The following NEGR1 variants were observed in gnomAD, a reference collection of about 807,000 sequenced individuals.
The protein encoded by NEGR1 is IgLON family member 4.
NEGR1 carries 10 observed loss-of-function variants against 40.9 expected under a neutral mutation model. That is an observed-to-expected ratio of 0.24 (90% CI 0.15 to 0.42). NEGR1 has a LOEUF of 0.42. Ranked by LOEUF, NEGR1 falls within the 10% of genes least tolerant of loss-of-function variation. The pLI is 1.00. For synonymous variants in NEGR1, 185 were observed against 166.8 expected, an observed-to-expected ratio of 1.11 and a Z score of -0.84; for missense variants, 352 against 438.9, an observed-to-expected ratio of 0.80 and a Z score of 1.77.
At chr1:71,843,662 G>A (rs1659315254) in intron 2 of NEGR1, among the ~76,000 whole-genome samples, 1 of 152,116 alleles carries the variant, frequency 6.6e-6, no homozygotes. Context: ...TAGTTTTAAA[G>A]ATGAAATGAG....
At chr1:71,826,486 C>T (rs1337815467) in intron 2 of NEGR1, among the ~76,000 whole-genome samples, 1 of 151,796 alleles carries the variant, frequency 6.6e-6, no homozygotes, top group South Asian at 2.1e-4. Context: ...CTGCTGCTTC[C>T]CACTTAAGTG....
intron 1 of NEGR1, among the ~76,000 whole-genome samples, chr1:72,255,522 C>T (rs929071583): frequency 6.6e-6 from 1 of 150,604 alleles, no homozygotes; most frequent in Non-Finnish European, 1.5e-5. Flanking sequence ...TTAAGAATGC[C>T]TACTATGGTT....
intron 4 of NEGR1, among the ~76,000 whole-genome samples, chr1:71,686,235 G>C (rs560231555): frequency 1.3e-5 from 2 of 152,134 alleles, no homozygotes; most frequent in African/African-American, 2.4e-5. Flanking sequence ...CTATATTCTT[G>C]ACTGTAGTAG....
chr1:71,416,796 T>G (rs964067168), intron 6 of NEGR1, among the ~76,000 whole-genome samples: 2 of 152,208 alleles, frequency 1.3e-5, no homozygotes, highest in African/African-American at 4.8e-5. Flanking sequence ...AAGCCTTTGC[T>G]GCACTTTTGT....
chr1:71,902,910 TATTA>T (rs1397053902), intron 2 of NEGR1, among the ~76,000 whole-genome samples: 8 of 152,164 alleles, frequency 5.3e-5, no homozygotes, highest in East Asian at 1.9e-4. Flanking sequence ...GAGCTTCATT[TATTA>T]ATTATGTTTT....
intron 3 of NEGR1, among the ~76,000 whole-genome samples, chr1:71,750,205 G>T (rs1324844437): frequency 2.0e-5 from 3 of 152,022 alleles, no homozygotes; most frequent in Admixed American, 6.5e-5. Flanking sequence ...TTGTTAACCA[G>T]GATGGTCTCG....
At chr1:71,567,310 A>G (rs1372584520) in intron 6 of NEGR1, among the ~76,000 whole-genome samples, 1 of 152,162 alleles carries the variant, frequency 6.6e-6, no homozygotes, top group Non-Finnish European at 1.5e-5. Flanking sequence ...GTGTATTTTT[A>G]TATAGATTCT....
At chr1:72,121,121 C>T (rs894953507) in intron 1 of NEGR1, among the ~76,000 whole-genome samples, 3 of 151,834 alleles carry the variant, frequency 2.0e-5, no homozygotes, top group African/African-American at 7.3e-5. Flanking sequence ...AAATACTTTA[C>T]CGCAAATTTT....
chr1:71,450,309 G>A (rs1033256721), intron 6 of NEGR1, among the ~76,000 whole-genome samples: 1 of 151,920 alleles, frequency 6.6e-6, no homozygotes, highest in African/African-American at 2.4e-5. Context: ...TTATTTACAA[G>A]CAAACTATCT....
At chr1:71,644,727 A>G (rs1209453819) in intron 4 of NEGR1, among the ~76,000 whole-genome samples, 1 of 151,968 alleles carries the variant, frequency 6.6e-6, no homozygotes, top group Admixed American at 6.6e-5. Flanking sequence ...ATATTAAATT[A>G]CATAACAGCA....
chr1:71,754,479 A>G (rs1272053474), intron 3 of NEGR1, among the ~76,000 whole-genome samples: 1 of 152,192 alleles, frequency 6.6e-6, no homozygotes, highest in Non-Finnish European at 1.5e-5. Flanking sequence ...GATGAACAAA[A>G]TTAGCTATGT....
chr1:72,274,270 G>C (rs17131762), intron 1 of NEGR1, among the ~76,000 whole-genome samples: 1,916 of 152,070 alleles, frequency 0.013, 40 homozygotes, highest in African/African-American at 0.044. Flanking sequence ...AGTTTGGTTA[G>C]AATTTTATGC....
At position 71,647,002 on chromosome 1, in the gene NEGR1, C is replaced by G. The variant is rs61563642; in HGVS notation, c.668-35856G>C. ...GTATCTCACCTTAGGTAAAAATAAT[C>G]TTCATGTTTAGAAGTTGTTGACTCG... On this transcript the variant is annotated intron_variant, in intron 4 of 6. Coordinates refer to ENST00000357731, the MANE Select transcript of NEGR1 (RefSeq NM_173808.3). Among the ~76,000 whole-genome samples the G allele has an allele frequency of 5.2e-3, 794 of 151,876 alleles. 5 individuals are homozygous for G. The highest frequency in any genetic ancestry group is 0.018 in the African/African-American group (756 of 41,474).
At chr1:71,548,028 G>A (rs1647958667) in intron 6 of NEGR1, among the ~76,000 whole-genome samples, 1 of 151,622 alleles carries the variant, frequency 6.6e-6, no homozygotes. Context: ...GCCACCCTGA[G>A]TGATCTTGGA....
intron 1 of NEGR1, among the ~76,000 whole-genome samples, chr1:72,171,433 GA>G (rs1421650026): frequency 6.6e-6 from 1 of 152,226 alleles, no homozygotes; most frequent in East Asian, 1.9e-4. Flanking sequence ...ATGGAGAAAA[GA>G]AAAGTTCAGA....
At chr1:71,763,852 C>G (rs1656032219) in intron 3 of NEGR1, among the ~76,000 whole-genome samples, 1 of 152,116 alleles carries the variant, frequency 6.6e-6, no homozygotes, top group Non-Finnish European at 1.5e-5. Context: ...GTGAATACCT[C>G]ATTATCTCCA....
chr1:71,665,890 G>A (rs746745109), intron 4 of NEGR1, among the ~76,000 whole-genome samples: 1 of 152,078 alleles, frequency 6.6e-6, no homozygotes, highest in Non-Finnish European at 1.5e-5. Context: ...TTGAACCTCA[G>A]TTGGTTCTTT....
Position 72,099,667 on chromosome 1 carries a change from T to C in NEGR1, c.177-164356A>G, listed in dbSNP as rs918689895. ...TTATTTTGCACAGTAATTTGCCATT[T>C]CATATACATTATAACTTTGATTTTC... On this transcript the variant is annotated intron_variant, in intron 1 of 6. Transcript: ENST00000357731. 3.9e-5 allele frequency among the ~76,000 whole-genome samples: 6 copies of C among 152,058 alleles called. No homozygotes were observed. In the South Asian group the frequency reaches 1.0e-3, roughly 26 times the overall value.
intron 1 of NEGR1, among the ~76,000 whole-genome samples, chr1:72,133,002 A>C (rs568231198): frequency 1.3e-5 from 2 of 152,194 alleles, no homozygotes; most frequent in African/African-American, 4.8e-5. Context: ...TTTCTGAAAA[A>C]ATAATAAGAC....
Sources: allele counts gnomAD v4.1 joint callset (sites outside exome capture counted in the v4.1 genomes callset), GRCh38; gene constraint gnomAD v4.1.1; transcripts MANE v1.5; gene names NCBI Gene and HGNC (gene_info 2026-07-23, HGNC 2026-07-21).